The following CORO2B variants were observed in gnomAD, a reference collection of about 807,000 sequenced individuals.
The protein encoded by CORO2B is coronin-2B.
A neutral mutation model predicts 58.8 loss-of-function variants in CORO2B; 26 were observed. That is an observed-to-expected ratio of 0.44 (90% CI 0.32 to 0.61). CORO2B has a LOEUF of 0.61. Among genes scored for constraint, CORO2B ranks in the 20% least tolerant of loss-of-function variants. CORO2B has a pLI of 0.04. For missense variants in CORO2B, 460 were observed against 645.1 expected, an observed-to-expected ratio of 0.71 and a Z score of 3.11; for synonymous variants, 242 against 253.8, an observed-to-expected ratio of 0.95 and a Z score of 0.44.
At chr15:68,605,468 A>G (rs1477877809) in intron 1 of CORO2B, among the ~76,000 whole-genome samples, 8 of 152,272 alleles carry the variant, frequency 5.3e-5, no homozygotes, top group Non-Finnish European at 1.2e-4. Flanking sequence ...GGCTGAATAA[A>G]TTAGGAAGCA....
intron 1 of CORO2B, among the ~76,000 whole-genome samples, chr15:68,587,716 T>C (rs1333005270): frequency 6.6e-6 from 1 of 152,240 alleles, no homozygotes; most frequent in Non-Finnish European, 1.5e-5. Context: ...TATTAATTCA[T>C]TTAAGCTTCA....
intron 11 of CORO2B, among the ~76,000 whole-genome samples, chr15:68,724,920 A>G (rs537567154): frequency 6.6e-6 from 1 of 152,314 alleles, no homozygotes; most frequent in African/African-American, 2.4e-5. Context: ...ATTGGGGTGA[A>G]GATCTGCCAG....
intron 2 of CORO2B, among the ~76,000 whole-genome samples, chr15:68,665,755 A>T (rs1372999279): frequency 6.6e-6 from 1 of 152,134 alleles, no homozygotes; most frequent in Non-Finnish European, 1.5e-5. Flanking sequence ...TATACTAGAA[A>T]GCCATAAGTT....
Position 68,714,647 on chromosome 15 carries a change from T to C in CORO2B, c.854T>C (p.Leu285Pro). 6.2e-7 allele frequency: 1 copy of C among 1,613,884 alleles called. No individual in the cohort carries two copies. The change falls in exon 7 of 12, where the codon CTC becomes CCC. Residue 285 changes from leucine (L) to proline (P), a missense_variant. Physicochemically the swap from Leu to Pro is moderately conservative, Grantham distance 98. This residue lies in a region of CORO2B where 352 missense variants were observed against 543.0 expected (regional missense o/e 0.65). Coordinates refer to ENST00000261861, the MANE Select transcript of CORO2B (RefSeq NM_006091.5). Reference sequence around the variant, plus strand: ...TTCTATGATGCTGACACCCACATGCTCTACCTGGCTGGAAAGGTAGTAGGA... The same window carrying C: ...TTCTATGATGCTGACACCCACATGCCCTACCTGGCTGGAAAGGTAGTAGGA... Reference protein sequence around the residue: ...FPFYDADTHMLYLAGKGDGNI... With the variant: ...FPFYDADTHMPYLAGKGDGNI...
chr15:68,695,312 T>A, intron 3 of CORO2B, 56 bp downstream of exon 3: 2 of 1,275,058 alleles, frequency 1.6e-6, no homozygotes, highest in Non-Finnish European at 1.1e-6. Flanking sequence ...CCTGCTTCCT[T>A]TGGAGGCCTC....
Position 68,710,956 on chromosome 15 carries a change from C to CA in CORO2B, c.483+76dup. 2.1e-6 allele frequency: 3 copies of CA among 1,455,680 alleles called. No homozygotes were observed. Among genetic ancestry groups the CA allele is most frequent in the Non-Finnish European group, 2.7e-6 (3 of 1,091,038 alleles). The allele number at this position is 1,455,680 out of a possible 1,614,324, so 90.2% of individuals were successfully genotyped here. On this transcript the variant is annotated intron_variant, in intron 4 of 11. Transcript: ENST00000261861. This position sits in a 1 kb window ranked among gnomAD's most constrained non-coding sequence, Gnocchi z 4.1. ...GGGCCTTTTGGGTACCCGTAGGAAGCACTGTTGCTTCCTAAGCAACCAATA... is the reference window on the plus strand; with the variant it reads ...GGGCCTTTTGGGTACCCGTAGGAAGCAACTGTTGCTTCCTAAGCAACCAATA...
At chr15:68,663,070 T>G (rs1902065715) in intron 2 of CORO2B, among the ~76,000 whole-genome samples, 1 of 152,226 alleles carries the variant, frequency 6.6e-6, no homozygotes, top group Admixed American at 6.5e-5. Flanking sequence ...AAAAAATCTG[T>G]GGATAAATGG....
intron 1 of CORO2B, among the ~76,000 whole-genome samples, chr15:68,601,869 C>T (rs935509970): frequency 1.3e-5 from 2 of 152,118 alleles, no homozygotes; most frequent in African/African-American, 4.8e-5. Flanking sequence ...TTCTCATAGC[C>T]GTGGAGCCTG....
intron 2 of CORO2B, among the ~76,000 whole-genome samples, chr15:68,676,508 C>T (rs1471685001): frequency 1.3e-5 from 2 of 152,196 alleles, no homozygotes; most frequent in Non-Finnish European, 2.9e-5. Context: ...TGCCAGACAC[C>T]TCCATACACT....
the CORO2B span, among the ~76,000 whole-genome samples, chr15:68,531,555 G>GGAAGGAAGGAAAGAAAGA: frequency 1.1e-3 from 82 of 77,678 alleles, no homozygotes; most frequent in African/African-American, 4.0e-3. Context: ...AAGGAAGGAA[G>GGAAGGAAGGAAAGAAAGA]GAAAGAAAGA....
chr15:68,629,272 C>T (rs1900762582), intron 1 of CORO2B, among the ~76,000 whole-genome samples: 1 of 152,236 alleles, frequency 6.6e-6, no homozygotes, highest in Admixed American at 6.5e-5. Context: ...TGCAGGTCTG[C>T]TGTGTGTGGT....
At chr15:68,709,340 T>C (rs190510123) in intron 3 of CORO2B, among the ~76,000 whole-genome samples, 1 of 152,314 alleles carries the variant, frequency 6.6e-6, no homozygotes, top group Admixed American at 6.5e-5. Context: ...TGGCTCTTTT[T>C]ATTTTTTTTT....
At chr15:68,676,041 G>A in intron 2 of CORO2B, among the ~76,000 whole-genome samples, 1 of 152,172 alleles carries the variant, frequency 6.6e-6, no homozygotes, top group East Asian at 1.9e-4. Context: ...CAGGGGTGTG[G>A]GCAGGTGGAG....
chr15:68,662,098 G>C (rs1902034964), intron 2 of CORO2B, among the ~76,000 whole-genome samples: 1 of 152,126 alleles, frequency 6.6e-6, no homozygotes, highest in Admixed American at 6.6e-5. Flanking sequence ...ATGGCTTCTA[G>C]GAACTCATCT....
In CORO2B at chr15:68,621,405, G is replaced by A. The variant is rs371381473; in HGVS notation, c.16-23755G>A. ...CTTTCTCAGGGACCAGAGAGGCTTC[G>A]CAGCGCTGGAGACATTTGAACTGTA... On this transcript the variant is annotated intron_variant, in intron 1 of 11. Transcript: ENST00000261861. Among the ~76,000 whole-genome samples, 11 of 152,318 alleles carry A rather than the reference G, an allele frequency of 7.2e-5. No individual in the cohort carries two copies. In the East Asian group the frequency reaches 1.4e-3, roughly 19 times the overall value.
chr15:68,719,675 C>A, intron 11 of CORO2B, 123 bp downstream of exon 11: 1 of 1,096,070 alleles, frequency 9.1e-7, no homozygotes, highest in Non-Finnish European at 1.3e-6. Flanking sequence ...GTGACAAATG[C>A]CATAAGTAGC....
rs115463091 is a variant in CORO2B at position 68,619,273 on chromosome 15, A to G, written c.16-25887A>G. Among the ~76,000 whole-genome samples, 433 of 152,190 alleles carry G rather than the reference A, an allele frequency of 2.8e-3. 1 individual carries two copies. Among genetic ancestry groups the G allele is most frequent in the African/African-American group, 9.9e-3 (413 of 41,522 alleles). On this transcript the variant is annotated intron_variant, in intron 1 of 11. Transcript: ENST00000261861. ...CATTTTGCCTTGCCTTAGATCACCT[A>G]CCCTCACTTTCCTTTAGCCTGAATT...
rs544906456 is a variant in CORO2B, at chr15:68,643,902, T to G, written c.16-1258T>G. Among the ~76,000 whole-genome samples the G allele has an allele frequency of 8.5e-5, 13 of 152,120 alleles. 1 individual carries two copies. The Middle Eastern group carries it at 0.01, about 119-fold the overall frequency. ...AAATGCAAAAATTAGCTGGGCGTGGTGGTGGGCCCCTGTAATCCCAGCTAC... is the reference window on the plus strand; with the variant it reads ...AAATGCAAAAATTAGCTGGGCGTGGGGGTGGGCCCCTGTAATCCCAGCTAC... On this transcript the variant is annotated intron_variant, in intron 1 of 11. Coordinates refer to ENST00000261861, the MANE Select transcript of CORO2B (RefSeq NM_006091.5).
chr15:68,688,715 C>G (rs545799499), intron 2 of CORO2B, among the ~76,000 whole-genome samples: 48 of 152,272 alleles, frequency 3.2e-4, no homozygotes, highest in African/African-American at 1.2e-3. Context: ...TTTATTTTGA[C>G]AATGTCCCCA....
Sources: gnomAD v4.1 joint callset for allele counts (sites outside exome capture counted in the v4.1 genomes callset) on GRCh38, gnomAD v4.1.1 for gene constraint, gnomAD v4.1.1 regional missense constraint, Gnocchi (gnomAD v3.1) non-coding constraint, MANE v1.5 for transcripts, NCBI Gene and HGNC (gene_info 2026-07-23, HGNC 2026-07-21) for gene names.